The following LPAR1 variants were observed in gnomAD, a reference collection of about 807,000 sequenced individuals.
LPAR1 encodes lysophosphatidic acid receptor 1.
Under a neutral mutation model 23.8 loss-of-function variants are expected in LPAR1, and 5 were observed. The ratio of observed to expected loss-of-function variants is 0.21; its 90% CI spans 0.11 to 0.44. The LOEUF (loss-of-function observed/expected upper bound fraction) is 0.44, where lower values mean the gene tolerates loss of function less well. Ranked by LOEUF, LPAR1 falls within the 20% of genes least tolerant of loss-of-function variation. The pLI is 0.99. For missense variants in LPAR1, 311 were observed against 482.8 expected (o/e 0.64, Z 3.33); for synonymous variants, 160 against 164.7 (o/e 0.97, Z 0.22).
chr9:111,001,076 C>T (rs979003093), intron 2 of LPAR1, among the ~76,000 whole-genome samples: 7 of 152,146 alleles, frequency 4.6e-5, no homozygotes, highest in African/African-American at 1.7e-4. Flanking sequence ...GAATAGGGTT[C>T]TCTTTAGAAG....
At chr9:110,888,382 T>C (rs1341948705) in intron 5 of LPAR1, among the ~76,000 whole-genome samples, 1 of 152,190 alleles carries the variant, frequency 6.6e-6, no homozygotes, top group Non-Finnish European at 1.5e-5. Flanking sequence ...TTTTTATGGA[T>C]TCTCCAAACT....
In LPAR1 at chr9:111,009,545, T is replaced by C. The variant is rs575844508; in HGVS notation, c.-182+26577A>G. Reference sequence around the variant, plus strand: ...ACATAAGTGTACATATTTGGAAGAATTGGTAAAAATGATTGGTTTATGTTT... The same window carrying C: ...ACATAAGTGTACATATTTGGAAGAACTGGTAAAAATGATTGGTTTATGTTT... On this transcript the variant is annotated intron_variant, in intron 2 of 5. Coordinates refer to ENST00000683809, the MANE Select transcript of LPAR1 (RefSeq NM_001351411.2). Among the ~76,000 whole-genome samples the C allele has an allele frequency of 1.4e-3, 207 of 152,260 alleles. 1 individual carries two copies. Among genetic ancestry groups the C allele is most frequent in the Middle Eastern group, 3.4e-3 (1 of 294 alleles).
At chr9:111,009,500 GAA>G (rs1278557584) in intron 2 of LPAR1, among the ~76,000 whole-genome samples, 2 of 151,944 alleles carry the variant, frequency 1.3e-5, no homozygotes, top group East Asian at 3.8e-4. Context: ...TTTATTTTTT[GAA>G]AAGTGTGGGG....
chr9:110,899,940 C>T (rs1264595373), intron 5 of LPAR1, among the ~76,000 whole-genome samples: 1 of 152,150 alleles, frequency 6.6e-6, no homozygotes, highest in Non-Finnish European at 1.5e-5. Context: ...AAAAATGTCT[C>T]CAAACATTGC....
chr9:110,896,216 C>G (rs976201083), intron 5 of LPAR1, among the ~76,000 whole-genome samples: 1 of 152,176 alleles, frequency 6.6e-6, no homozygotes, highest in Non-Finnish European at 1.5e-5. Flanking sequence ...ATGCTGCGTA[C>G]TTTCTAGGGC....
At chr9:110,967,470 T>C (rs1480241746) in intron 4 of LPAR1, among the ~76,000 whole-genome samples, 1 of 152,220 alleles carries the variant, frequency 6.6e-6, no homozygotes, top group East Asian at 1.9e-4. Flanking sequence ...ATGCTCTTTG[T>C]TACCCAATGA....
At chr9:110,964,790 ACCT>A (rs1284255375) in intron 4 of LPAR1, among the ~76,000 whole-genome samples, 1 of 151,032 alleles carries the variant, frequency 6.6e-6, no homozygotes, top group African/African-American at 2.4e-5. Flanking sequence ...TGTTGAGAGT[ACCT>A]ATTGGTAAGG....
chr9:110,932,599 C>A (rs1030241645), intron 5 of LPAR1, among the ~76,000 whole-genome samples: 2 of 152,242 alleles, frequency 1.3e-5, no homozygotes, highest in Admixed American at 1.3e-4. Flanking sequence ...AGTCCATAGC[C>A]TGTTAAGAAT....
At chr9:110,992,323 T>C (rs557407970) in intron 2 of LPAR1, among the ~76,000 whole-genome samples, 1 of 152,252 alleles carries the variant, frequency 6.6e-6, no homozygotes, top group Admixed American at 6.5e-5. Context: ...ACTATTAGAA[T>C]GGATAAAATT....
intron 2 of LPAR1, among the ~76,000 whole-genome samples, chr9:111,019,803 C>T (rs1349564459): frequency 6.6e-6 from 1 of 152,124 alleles, no homozygotes; most frequent in African/African-American, 2.4e-5. Context: ...CAAGATCACG[C>T]CACAGCACAT....
intron 2 of LPAR1, among the ~76,000 whole-genome samples, chr9:111,033,142 G>GA (rs1377115098): frequency 7.9e-5 from 12 of 152,052 alleles, no homozygotes; most frequent in Non-Finnish European, 1.6e-4. Context: ...TTCATTTCTG[G>GA]AAAAAAATAA....
At chr9:110,996,493 T>C (rs975110242) in intron 2 of LPAR1, among the ~76,000 whole-genome samples, 4 of 152,172 alleles carry the variant, frequency 2.6e-5, no homozygotes, top group African/African-American at 9.6e-5. Context: ...TAAACTGATA[T>C]TCCCTAAAAA....
Position 110,875,695 on chromosome 9 carries a change from C to T in LPAR1, c.821G>A (p.Gly274Glu), listed in dbSNP as rs1384144443. The T allele has an allele frequency of 6.2e-7, 1 of 1,605,864 alleles. No individual in the cohort carries two copies. The highest frequency in any genetic ancestry group is 2.2e-5 in the East Asian group (1 of 44,698). The change falls in exon 6 of 6, where the codon GGA (glycine) becomes GAA (glutamate). Residue 274 changes from glycine to glutamate, a missense_variant. Gly to Glu is a moderately conservative substitution (Grantham distance 98). Coordinates refer to ENST00000683809, the MANE Select transcript of LPAR1 (RefSeq NM_001351411.2). Reference sequence around the variant, plus strand: ...CACGTCTAGAAGTAACAAAACCAATCCAGGAGTCCAGCAGATGATAAAGGC... The same window carrying T: ...CACGTCTAGAAGTAACAAAACCAATTCAGGAGTCCAGCAGATGATAAAGGC... ...LGAFIICWTP[G>E]LVLLLLDVCC...
At chr9:110,878,580 C>T (rs1258641327) in intron 5 of LPAR1, among the ~76,000 whole-genome samples, 5 of 152,140 alleles carry the variant, frequency 3.3e-5, no homozygotes. Context: ...GAGAGTTCAG[C>T]GTACACCTGA....
intron 2 of LPAR1, among the ~76,000 whole-genome samples, chr9:110,982,078 G>A (rs1405723710): frequency 2.0e-5 from 3 of 152,080 alleles, no homozygotes; most frequent in African/African-American, 7.2e-5. Flanking sequence ...AACTCCTCAA[G>A]GATCTAGAAC....
chr9:110,927,350 T>C (rs4978967), intron 5 of LPAR1, among the ~76,000 whole-genome samples: 32,773 of 152,004 alleles, frequency 0.22, 4,338 homozygotes, highest in Admixed American at 0.29. Flanking sequence ...TTATCCAATA[T>C]GATCCTCACC....
chr9:110,952,784 C>T (rs1204950549), intron 4 of LPAR1, among the ~76,000 whole-genome samples: 6 of 152,104 alleles, frequency 3.9e-5, no homozygotes, highest in African/African-American at 1.4e-4. Flanking sequence ...GAGGATCACC[C>T]CGCCCCTGCC....
intron 2 of LPAR1, among the ~76,000 whole-genome samples, chr9:110,994,563 CTT>C (rs2096958791): frequency 1.3e-5 from 2 of 152,144 alleles, no homozygotes; most frequent in African/African-American, 2.4e-5. Flanking sequence ...ACAATTCACT[CTT>C]AATTGACTTA....
chr9:110,898,740 C>T (rs962720495), intron 5 of LPAR1, among the ~76,000 whole-genome samples: 3 of 152,176 alleles, frequency 2.0e-5, no homozygotes, highest in African/African-American at 7.2e-5. Context: ...TCACTTACAG[C>T]CTGAGAAATC....
Sources: gnomAD v4.1 joint callset for allele counts (sites outside exome capture counted in the v4.1 genomes callset) on GRCh38, gnomAD v4.1.1 for gene constraint, MANE v1.5 for transcripts, NCBI Gene and HGNC (gene_info 2026-07-23, HGNC 2026-07-21) for gene names.